The following NOD1 variants were observed in gnomAD, a reference collection of about 807,000 sequenced individuals.
The protein encoded by NOD1 is nucleotide binding oligomerization domain containing 1.
A neutral mutation model predicts 81.2 loss-of-function variants in NOD1; 70 were observed. That is an observed-to-expected ratio of 0.86 (90% CI 0.71 to 1.05). The LOEUF (loss-of-function observed/expected upper bound fraction) is 1.05, where lower values mean the gene tolerates loss of function less well. Among genes scored for constraint, NOD1 ranks in the 50% least tolerant of loss-of-function variants. The pLI is 0.00. For synonymous variants in NOD1, 508 were observed against 526.9 expected (o/e 0.96, Z 0.49); for missense variants, 1,233 against 1,228.0 (o/e 1.00, Z -0.06).
chr7:30,445,278 T>TAAAAAAAAA (rs55875433), intron 9 of NOD1, among the ~76,000 whole-genome samples: 78 of 69,164 alleles, frequency 1.1e-3, no homozygotes, highest in South Asian at 1.6e-3. Context: ...AAAAAGAATC[T>TAAAAAAAAA]AAAAAAAAAA....
chr7:30,477,681 A>ATT (rs35530986), intron 1 of NOD1, among the ~76,000 whole-genome samples: 14 of 136,266 alleles, frequency 1.0e-4, no homozygotes, highest in East Asian at 2.1e-4. Context: ...CGCCCGGTTA[A>ATT]TTTTTTTTTT....
Position 30,478,253 on chromosome 7 carries a change from G to A in NOD1, c.-352+353C>T, listed in dbSNP as rs1481641105. Among the ~76,000 whole-genome samples, 2 of 152,076 alleles carry A rather than the reference G, an allele frequency of 1.3e-5. No individual in the cohort carries two copies. Among genetic ancestry groups the A allele is most frequent in the South Asian group, 4.1e-4 (2 of 4,828 alleles). On this transcript the variant is annotated intron_variant, in intron 1 of 13. Coordinates refer to ENST00000222823, the MANE Select transcript of NOD1 (RefSeq NM_006092.4). The surrounding 1 kb of genome is among the most constrained non-coding windows in gnomAD (Gnocchi z 4.1). The stretch of plus-strand genomic sequence containing the variant: ...ACTTGGGGAGCTTTTAAAAGATACG[G>A]AGGCCTGGGTCTGACTCCGTGAGAT...
At chr7:30,455,648 C>G (rs2128065614) in intron 4 of NOD1, among the ~76,000 whole-genome samples, 1 of 149,734 alleles carries the variant, frequency 6.7e-6, no homozygotes, top group Non-Finnish European at 1.5e-5. Context: ...GGCTGGAGGG[C>G]TGGAGTGCAA....
intron 13 of NOD1, chr7:30,428,720 A>G (rs926992050): frequency 1.3e-5 from 2 of 152,122 alleles, no homozygotes; most frequent in African/African-American, 4.8e-5. Flanking sequence ...AAAGGAGGAC[A>G]TAGTTAATAA....
chr7:30,460,412 G>C (rs957699511), intron 1 of NOD1: 19 of 985,302 alleles, frequency 1.9e-5, no homozygotes, highest in Non-Finnish European at 2.3e-5. Context: ...GGCAAAGAGA[G>C]GACGGAGATT....
At chr7:30,471,441 T>C (rs1368162228) in intron 1 of NOD1, among the ~76,000 whole-genome samples, 2 of 152,252 alleles carry the variant, frequency 1.3e-5, no homozygotes, top group Non-Finnish European at 2.9e-5. Context: ...TCAGTGCAGA[T>C]GCCTGGAAGC....
At chr7:30,474,448 G>A (rs772028886) in intron 1 of NOD1, among the ~76,000 whole-genome samples, 4 of 152,232 alleles carry the variant, frequency 2.6e-5, no homozygotes, top group Non-Finnish European at 5.9e-5. Context: ...CTGGTTTCAT[G>A]GAAGACAATT....
intron 1 of NOD1, among the ~76,000 whole-genome samples, chr7:30,464,547 G>A (rs1787492365): frequency 6.6e-6 from 1 of 152,232 alleles, no homozygotes; most frequent in Admixed American, 6.5e-5. Context: ...TGAGAGGCAG[G>A]ACAACATAAG....
chr7:30,451,552 G>C lies in NOD1; in HGVS notation c.1865C>G (p.Ala622Gly). Residue 622 changes from alanine to glycine, a missense_variant, in exon 6 of 14, where the codon GCA becomes GGA. Physicochemically the swap from Ala to Gly is moderately conservative, Grantham distance 60. Transcript: ENST00000222823. This position sits in a 1 kb window ranked among gnomAD's most constrained non-coding sequence, Gnocchi z 4.2. ...ALRRKRKALW[A>G]HLFSSLRGYL... ...GCCCCGCAGGCTGGAAAACAGGTGT[G>C]CCCACAGGGCCTTGCGCTTTCTCCT... The C allele has an allele frequency of 6.2e-7, 1 of 1,613,246 alleles. No individual in the cohort carries two copies. The highest frequency in any genetic ancestry group is 8.5e-7 in the Non-Finnish European group (1 of 1,179,776).
chr7:30,447,161 G>A, intron 7 of NOD1, 111 bp from the exon 8 acceptor site: 2 of 1,582,452 alleles, frequency 1.3e-6, no homozygotes, highest in East Asian at 2.3e-5. Context: ...GGGTTGAAAG[G>A]GGAACACACA....
rs984779026 is a variant in NOD1, at chr7:30,451,527, G to A, written c.1890C>T (p.Gly630=). The change falls in exon 6 of 14, where the codon GGC becomes GGT. Residue 630 remains glycine, a synonymous_variant. Transcript: ENST00000222823. This position sits in a 1 kb window ranked among gnomAD's most constrained non-coding sequence, Gnocchi z 4.2. ...LWAHLFSSLR[G]YLKSLPRVQV... is the part of the protein sequence containing the mutation. Reference sequence around the variant, plus strand: ...GAACGCGGGGCAGGCTCTTCAGGTAGCCCCGCAGGCTGGAAAACAGGTGTG... The same window carrying A: ...GAACGCGGGGCAGGCTCTTCAGGTAACCCCGCAGGCTGGAAAACAGGTGTG... 13 of 1,613,110 alleles carry A rather than the reference G, an allele frequency of 8.1e-6. No homozygotes were observed. The highest frequency in any genetic ancestry group is 1.3e-5 in the African/African-American group (1 of 75,064).
chr7:30,465,102 G>A (rs1021125139), intron 1 of NOD1, among the ~76,000 whole-genome samples: 1 of 146,538 alleles, frequency 6.8e-6, no homozygotes, highest in African/African-American at 2.5e-5. Context: ...AGCAGAGAGA[G>A]ACAGGGGGGT....
chr7:30,435,644 T>C (rs1279658868), intron 11 of NOD1, among the ~76,000 whole-genome samples: 1 of 152,134 alleles, frequency 6.6e-6, no homozygotes, highest in East Asian at 1.9e-4. Flanking sequence ...CCTGGGATAA[T>C]TCCTGGGACC....
intron 12 of NOD1, among the ~76,000 whole-genome samples, chr7:30,432,828 A>G (rs1784060031): frequency 6.6e-6 from 1 of 152,218 alleles, no homozygotes; most frequent in Non-Finnish European, 1.5e-5. Context: ...TGAAATGCCC[A>G]GAGTAGGCAA....
rs371706350 is a variant in NOD1, at chr7:30,453,534, C to G, written c.377-494G>C. On this transcript the variant is annotated intron_variant, in intron 5 of 13. Coordinates refer to ENST00000222823, the MANE Select transcript of NOD1 (RefSeq NM_006092.4). Reference sequence around the variant, plus strand: ...TCCCAGGCTCAAGCAATCCTCCCACCTCAGCCTCCCAAGTAGCTGGGACAC... The same window carrying G: ...TCCCAGGCTCAAGCAATCCTCCCACGTCAGCCTCCCAAGTAGCTGGGACAC... 5.3e-4 allele frequency among the ~76,000 whole-genome samples: 81 copies of G among 152,276 alleles called. 2 individuals are homozygous for G. Among genetic ancestry groups the G allele is most frequent in the East Asian group, 3.9e-3 (20 of 5,178 alleles).
At chr7:30,471,786 T>C (rs1788300427) in intron 1 of NOD1, among the ~76,000 whole-genome samples, 2 of 152,184 alleles carry the variant, frequency 1.3e-5, no homozygotes, top group African/African-American at 2.4e-5. Flanking sequence ...TTGTTCCTGT[T>C]TCTAAAGAGC....
In NOD1 at chr7:30,469,125, T is replaced by C. The variant is rs1001833568; in HGVS notation, c.-351-9084A>G. On this transcript the variant is annotated intron_variant, in intron 1 of 13. Coordinates refer to ENST00000222823, the MANE Select transcript of NOD1 (RefSeq NM_006092.4). ...CAATCTGTGTTCTGTTGTTGTCTGT[T>C]TGTTTTTCTTGCTTGGTTTACAATT... 7.1e-6 allele frequency: 7 copies of C among 985,008 alleles called. No individual in the cohort carries two copies. The East Asian group carries it at 6.8e-4, about 96-fold the overall frequency. The allele number at this position is 985,008 out of a possible 1,614,324, so 61.0% of individuals were successfully genotyped here.
At chr7:30,472,503 C>T (rs1788376714) in intron 1 of NOD1, among the ~76,000 whole-genome samples, 1 of 152,240 alleles carries the variant, frequency 6.6e-6, no homozygotes, top group Non-Finnish European at 1.5e-5. Context: ...CCACAAGTTA[C>T]AATTATGTAT....
chr7:30,456,195 A>G (rs1786351924), intron 4 of NOD1, among the ~76,000 whole-genome samples: 1 of 152,102 alleles, frequency 6.6e-6, no homozygotes, highest in Non-Finnish European at 1.5e-5. Flanking sequence ...ACCAAGAAGG[A>G]ATTTGTGGTC....
Sources: gnomAD v4.1 joint callset for allele counts (sites outside exome capture counted in the v4.1 genomes callset) on GRCh38, gnomAD v4.1.1 for gene constraint, Gnocchi (gnomAD v3.1) non-coding constraint, MANE v1.5 for transcripts, NCBI Gene and HGNC (gene_info 2026-07-23, HGNC 2026-07-21) for gene names.